Variants in MCU observed in about 807,000 individuals in gnomAD.
MCU encodes calcium uniporter protein, mitochondrial.
In MCU, 12 loss-of-function variants were observed where a neutral mutation model predicts 45.2. That is an observed-to-expected ratio of 0.27 (90% confidence interval 0.17 to 0.43). MCU has a LOEUF of 0.43. Among genes scored for constraint, MCU ranks in the 20% least tolerant of loss-of-function variants. The pLI, the probability that MCU is intolerant of heterozygous loss-of-function variation, is 1.00. For synonymous variants in MCU, 160 were observed against 165.1 expected (o/e 0.97, Z 0.24); for missense variants, 324 against 436.7 (o/e 0.74, Z 2.30).
Position 72,869,732 on chromosome 10 carries a change from A to G in MCU, c.657+869A>G, listed in dbSNP as rs550026650. Among the ~76,000 whole-genome samples the G allele has an allele frequency of 1.1e-4, 16 of 152,348 alleles. 1 individual carries two copies. In the South Asian group the frequency reaches 2.3e-3, roughly 22 times the overall value. ...GATGATTTAAAACATATGGGAGGAT[A>G]TGCATAGGTTATATGCAGATACTAT... On this transcript the variant is annotated intron_variant, in intron 5 of 7. Coordinates refer to ENST00000373053, the MANE Select transcript of MCU (RefSeq NM_138357.3).
At chr10:72,774,676 A>G (rs1388830166) in intron 1 of MCU, among the ~76,000 whole-genome samples, 4 of 152,168 alleles carry the variant, frequency 2.6e-5, no homozygotes, top group Non-Finnish European at 5.9e-5. Flanking sequence ...AAAGTCACAC[A>G]TAAGCTGAAA....
intron 1 of MCU, among the ~76,000 whole-genome samples, chr10:72,822,571 G>A (rs1844729603): frequency 1.3e-5 from 2 of 152,142 alleles, no homozygotes; most frequent in Admixed American, 6.6e-5. Flanking sequence ...AGACATAAAG[G>A]TGGTCAGTAA....
In MCU at chr10:72,762,818, G is replaced by GT. The variant is rs34507129; in HGVS notation, c.150+70527dup. On this transcript the variant is annotated intron_variant, in intron 1 of 7. Transcript: ENST00000373053. ...AAAACTGTTCCCCAGTGTATTAGGT[G>GT]TTTTTTTTTTCCTGCAGTAATAAAT... is the stretch of plus-strand genomic sequence containing the variant. Among the ~76,000 whole-genome samples the GT allele has an allele frequency of 2.6e-3, 383 of 148,808 alleles. 1 individual carries two copies. The highest frequency in any genetic ancestry group is 6.6e-3 in the African/African-American group (267 of 40,628).
chr10:72,786,992 T>C lies in MCU; in HGVS notation c.151-47367T>C, dbSNP rs188939265. ...AGCAAAATAGCAAAGAAAATTTATA[T>C]ATGGAGAGAGAGGGGTTTTTCAAGG... is the stretch of plus-strand genomic sequence containing the variant. On this transcript the variant is annotated intron_variant, in intron 1 of 7. Coordinates refer to ENST00000373053, the MANE Select transcript of MCU (RefSeq NM_138357.3). Among the ~76,000 whole-genome samples, 828 of 152,290 alleles carry C rather than the reference T, an allele frequency of 5.4e-3. 2 individuals carry two copies. The highest frequency in any genetic ancestry group is 8.9e-3 in the Non-Finnish European group (603 of 68,024).
At chr10:72,881,014 G>A (rs190663325) in intron 6 of MCU, among the ~76,000 whole-genome samples, 3 of 152,128 alleles carry the variant, frequency 2.0e-5, no homozygotes, top group East Asian at 3.9e-4. Context: ...CTGTAGGTAC[G>A]AGCTACTCAG....
chr10:72,854,875 G>A (rs1175152934), intron 2 of MCU, among the ~76,000 whole-genome samples: 1 of 152,170 alleles, frequency 6.6e-6, no homozygotes, highest in African/African-American at 2.4e-5. Flanking sequence ...GACCCACAGA[G>A]TCTAAAATAT....
At chr10:72,865,779 T>G (rs1435089769) in intron 4 of MCU, among the ~76,000 whole-genome samples, 2 of 150,378 alleles carry the variant, frequency 1.3e-5, no homozygotes, top group South Asian at 2.1e-4. Context: ...TTTTTTGTTT[T>G]TTTTTTTGTT....
At chr10:72,778,212 G>T (rs1480995484) in intron 1 of MCU, among the ~76,000 whole-genome samples, 1 of 152,092 alleles carries the variant, frequency 6.6e-6, no homozygotes, top group Non-Finnish European at 1.5e-5. Flanking sequence ...ATTTTTAAGG[G>T]TTATCTGCAC....
In MCU at chr10:72,764,757, A is replaced by G. The variant is rs116820180; in HGVS notation, c.151-69602A>G. ...AGAGTAACTAAGAAATGTAATTGCC[A>G]TGAAGTTCTGAGTAGATGTATATGA... On this transcript the variant is annotated intron_variant, in intron 1 of 7. Transcript: ENST00000373053. Among the ~76,000 whole-genome samples the G allele has an allele frequency of 2.6e-3, 396 of 152,282 alleles. 4 individuals carry two copies. Among genetic ancestry groups the G allele is most frequent in the African/African-American group, 9.1e-3 (377 of 41,568 alleles).
In MCU at chr10:72,804,065, TATATATATAA is replaced by T. The variant is rs1227353190; in HGVS notation, c.151-30292_151-30283del. ...ATATATATATATATATATATATATA[TATATATATAA>T]AATAAGAGTGCCAACAATTTACATT... On this transcript the variant is annotated intron_variant, in intron 1 of 7. Coordinates refer to ENST00000373053, the MANE Select transcript of MCU (RefSeq NM_138357.3). Among the ~76,000 whole-genome samples the T allele has an allele frequency of 2.1e-3, 138 of 65,882 alleles. 10 individuals are homozygous for T. The highest frequency in any genetic ancestry group is 9.5e-3 in the African/African-American group (131 of 13,840). The allele number at this position is 65,882 out of a possible 152,430, so 43.2% of individuals were successfully genotyped here. A position where few individuals can be genotyped will look rare whatever the true frequency, so the allele number is the denominator to read the frequency against.
intron 6 of MCU, among the ~76,000 whole-genome samples, chr10:72,883,719 A>G (rs562408130): frequency 6.6e-6 from 1 of 152,338 alleles, no homozygotes; most frequent in South Asian, 2.1e-4. Context: ...ACTATGATGA[A>G]GTCACACAAT....
intron 1 of MCU, among the ~76,000 whole-genome samples, chr10:72,825,857 A>T (rs1201881501): frequency 6.6e-6 from 1 of 152,216 alleles, no homozygotes; most frequent in Non-Finnish European, 1.5e-5. Context: ...TGTGTTGTAT[A>T]ACCCGTGCAT....
chr10:72,856,823 GT>G (rs71021540), intron 2 of MCU, among the ~76,000 whole-genome samples: 146,356 of 146,356 alleles, frequency 1, 73,178 homozygotes, highest in Non-Finnish European at 1. Context: ...CACGCCTGTA[GT>G]TCCCAGCAAC....
intron 3 of MCU, 30 bp downstream of exon 3, chr10:72,859,377 C>A: frequency 1.3e-6 from 2 of 1,575,798 alleles, no homozygotes; most frequent in East Asian, 2.2e-5. Context: ...TAATTACCAT[C>A]TATCCCTCAT....
Position 72,887,557 on chromosome 10 carries a change from A to G in MCU, c.*1735A>G, listed in dbSNP as rs1845793486. ...ATCTTTTTGGGGTGTGTGGGAAGCA[A>G]GGGAGGGAGGACATGGAGAAAAGTT... On this transcript the variant is annotated 3_prime_UTR_variant, in exon 8 of 8. Coordinates refer to ENST00000373053, the MANE Select transcript of MCU (RefSeq NM_138357.3). 1 of 152,794 alleles carries G rather than the reference A, an allele frequency of 6.5e-6. No individual in the cohort carries two copies. The highest frequency in any genetic ancestry group is 2.4e-5 in the African/African-American group (1 of 41,456). The allele number at this position is 152,794 out of a possible 1,614,324, so 9.5% of individuals were successfully genotyped here.
intron 6 of MCU, among the ~76,000 whole-genome samples, chr10:72,881,997 G>A (rs1375857725): frequency 6.6e-6 from 1 of 152,202 alleles, no homozygotes; most frequent in South Asian, 2.1e-4. Context: ...TGAAGCCATG[G>A]CAGAAGAACG....
intron 1 of MCU, among the ~76,000 whole-genome samples, chr10:72,749,620 A>G (rs776550317): frequency 6.6e-6 from 1 of 152,194 alleles, no homozygotes; most frequent in Non-Finnish European, 1.5e-5. Context: ...GGATGGCCAT[A>G]TAAGTCACCT....
chr10:72,762,676 G>A (rs1474465163), intron 1 of MCU, among the ~76,000 whole-genome samples: 1 of 152,080 alleles, frequency 6.6e-6, no homozygotes, highest in Non-Finnish European at 1.5e-5. Flanking sequence ...GCACCTCTAC[G>A]TACAGGAACT....
At chr10:72,860,659 G>T in intron 4 of MCU, 132 bp downstream of exon 4, 1 of 654,396 alleles carries the variant, frequency 1.5e-6, no homozygotes, top group Non-Finnish European at 2.6e-6. Flanking sequence ...TATACAGATA[G>T]ACACTATTTC....
Sources: allele counts gnomAD v4.1 joint callset (sites outside exome capture counted in the v4.1 genomes callset), GRCh38; gene constraint gnomAD v4.1.1; transcripts MANE v1.5; gene names NCBI Gene and HGNC (gene_info 2026-07-23, HGNC 2026-07-21).